MMP16: variants seen among roughly 807,000 people sequenced by gnomAD.
The protein encoded by MMP16 is matrix metallopeptidase 16, also known as matrix metalloproteinase-16.
Under a neutral mutation model 67.8 loss-of-function variants are expected in MMP16, and 12 were observed. The observed-to-expected ratio is 0.18, with a 90% confidence interval of 0.11 to 0.29. The LOEUF is 0.29. Among genes scored for constraint, MMP16 ranks in the 10% least tolerant of loss-of-function variants. The pLI is 1.00. For missense variants in MMP16, 475 were observed against 765.7 expected (o/e 0.62, Z 4.48); for synonymous variants, 249 against 255.9 (o/e 0.97, Z 0.26).
At chr8:88,326,910 G>T in intron 1 of MMP16, 165 bp downstream of exon 1, 2 of 749,088 alleles carry the variant, frequency 2.7e-6, no homozygotes, top group East Asian at 2.9e-5. Context: ...ACACGCATCC[G>T]TCACCTAAAA....
At chr8:88,155,223 G>C (rs974698066) in intron 4 of MMP16, among the ~76,000 whole-genome samples, 1 of 151,848 alleles carries the variant, frequency 6.6e-6, no homozygotes. Flanking sequence ...TATTTATAAG[G>C]AATACTTTAA....
In MMP16 at chr8:88,231,117, T is replaced by C. The variant is rs191780693; in HGVS notation, c.133-33811A>G. Reference sequence around the variant, plus strand: ...AATAATCATTATTTAGATGTTTTGCTTGAAATAGCTGTAATACCAACTTGA... The same window carrying C: ...AATAATCATTATTTAGATGTTTTGCCTGAAATAGCTGTAATACCAACTTGA... On this transcript the variant is annotated intron_variant, in intron 1 of 9. Coordinates refer to ENST00000286614, the MANE Select transcript of MMP16 (RefSeq NM_005941.5). 5.3e-5 allele frequency among the ~76,000 whole-genome samples: 8 copies of C among 152,300 alleles called. No homozygotes were observed. The East Asian group carries it at 1.5e-3, about 29-fold the overall frequency.
chr8:88,040,095 A>G lies in MMP16; in HGVS notation c.*1366T>C, dbSNP rs527247381. ...AACTGCATATACCAAGGCAAATTGA[A>G]TTTTCATGCAATGGATTTTAAAACA... is the stretch of plus-strand genomic sequence containing the variant. On this transcript the variant is annotated 3_prime_UTR_variant, in exon 10 of 10. Transcript: ENST00000286614. The G allele has an allele frequency of 6.5e-6, 1 of 152,724 alleles. No homozygotes were observed. The highest frequency in any genetic ancestry group is 2.4e-5 in the African/African-American group (1 of 41,560). The allele number at this position is 152,724 out of a possible 1,614,324, so 9.5% of individuals were successfully genotyped here.
At chr8:88,192,149 T>TA (rs138150627) in intron 2 of MMP16, among the ~76,000 whole-genome samples, 2,754 of 152,320 alleles carry the variant, frequency 0.018, 32 homozygotes, top group Non-Finnish European at 0.03. Flanking sequence ...TTAATTACTT[T>TA]AAAAAATCCT....
chr8:88,159,559 C>T (rs6988704), intron 4 of MMP16, among the ~76,000 whole-genome samples: 2 of 151,380 alleles, frequency 1.3e-5, no homozygotes, highest in Non-Finnish European at 3.0e-5. Context: ...TCTAAATATA[C>T]AATCATGTCA....
At position 88,116,705 on chromosome 8, in the gene MMP16, C is replaced by T; in HGVS notation, c.885G>A (p.Lys295=). The change falls in exon 6 of 10, where the codon AAG becomes AAA. Residue 295 remains lysine, a synonymous_variant. Transcript: ENST00000286614. ...GTAGAGGTCTTGTAGGTGGAGGAAT[C>T]TTGTCAGGTGGACCTTTTGAAAATA... ...GIQKIYGPPD[K]IPPPTRPLPT... The T allele has an allele frequency of 6.2e-7, 1 of 1,613,404 alleles. No homozygotes were observed. The highest frequency in any genetic ancestry group is 8.5e-7 in the Non-Finnish European group (1 of 1,179,664).
At chr8:88,322,154 T>A (rs1811469657) in intron 1 of MMP16, among the ~76,000 whole-genome samples, 1 of 152,168 alleles carries the variant, frequency 6.6e-6, no homozygotes, top group South Asian at 2.1e-4. Context: ...TGGGGTTTGA[T>A]CCAATTAAAA....
At chr8:88,312,038 G>T (rs1284147285) in intron 1 of MMP16, among the ~76,000 whole-genome samples, 1 of 152,194 alleles carries the variant, frequency 6.6e-6, no homozygotes, top group Non-Finnish European at 1.5e-5. Flanking sequence ...CATGTGGTAG[G>T]TGATACCAGC....
chr8:88,271,942 A>G (rs902417069), intron 1 of MMP16, among the ~76,000 whole-genome samples: 2 of 152,222 alleles, frequency 1.3e-5, no homozygotes, highest in Non-Finnish European at 1.5e-5. Context: ...GAATTTGAAC[A>G]TTGGCTCAGC....
chr8:88,052,815 C>T (rs2118217200), intron 8 of MMP16, among the ~76,000 whole-genome samples: 1 of 152,326 alleles, frequency 6.6e-6, no homozygotes, highest in Admixed American at 6.5e-5. Context: ...GAAACTTCTT[C>T]CTACTCAAGT....
intron 8 of MMP16, among the ~76,000 whole-genome samples, chr8:88,050,098 G>C (rs1808251045): frequency 6.6e-6 from 1 of 152,180 alleles, no homozygotes; most frequent in Non-Finnish European, 1.5e-5. Context: ...AATGCGGGTG[G>C]ATTACCTGAG....
intron 1 of MMP16, among the ~76,000 whole-genome samples, chr8:88,275,524 C>T (rs1304146486): frequency 6.6e-6 from 1 of 151,730 alleles, no homozygotes; most frequent in Admixed American, 6.6e-5. Context: ...AGAATTGGAT[C>T]TAATAAACTA....
chr8:88,277,498 G>A (rs28904569), intron 1 of MMP16, among the ~76,000 whole-genome samples: 1,591 of 152,222 alleles, frequency 0.01, 32 homozygotes, highest in African/African-American at 0.036. Flanking sequence ...GAAACAAAAC[G>A]TGTATCATCC....
intron 2 of MMP16, among the ~76,000 whole-genome samples, chr8:88,188,449 G>GA (rs1303568259): frequency 2.6e-5 from 4 of 152,142 alleles, no homozygotes; most frequent in African/African-American, 9.6e-5. Flanking sequence ...AGCAATCTGT[G>GA]AAAAAAACCT....
At chr8:88,103,639 T>C (rs1809183312) in intron 6 of MMP16, among the ~76,000 whole-genome samples, 1 of 151,842 alleles carries the variant, frequency 6.6e-6, no homozygotes, top group Non-Finnish European at 1.5e-5. Context: ...GGCTCTGTGC[T>C]AACTGCCTTT....
chr8:88,219,770 T>C (rs898395216), intron 1 of MMP16, among the ~76,000 whole-genome samples: 3 of 152,192 alleles, frequency 2.0e-5, no homozygotes, highest in African/African-American at 7.2e-5. Context: ...TGCAGAGCTT[T>C]GCATTCCAAA....
chr8:88,076,243 C>T lies in MMP16; in HGVS notation c.1084-1500G>A, dbSNP rs186444170. ...CAATATACTAGTCACTGAGTTAGTACAAACGAATACCTAATTTATAGCATG... is the reference window on the plus strand; with the variant it reads ...CAATATACTAGTCACTGAGTTAGTATAAACGAATACCTAATTTATAGCATG... On this transcript the variant is annotated intron_variant, in intron 6 of 9. Transcript: ENST00000286614. 2.0e-3 allele frequency among the ~76,000 whole-genome samples: 308 copies of T among 152,190 alleles called. 5 individuals are homozygous for T. The highest frequency in any genetic ancestry group is 7.2e-3 in the African/African-American group (298 of 41,546).
At chr8:88,146,968 C>A (rs1458540528) in intron 4 of MMP16, among the ~76,000 whole-genome samples, 3 of 152,076 alleles carry the variant, frequency 2.0e-5, no homozygotes, top group East Asian at 3.9e-4. Flanking sequence ...TCTTCACTGT[C>A]ACTTGCTATA....
chr8:88,168,815 T>C (rs945140854), intron 3 of MMP16, among the ~76,000 whole-genome samples: 10 of 152,124 alleles, frequency 6.6e-5, no homozygotes, highest in African/African-American at 2.4e-4. Flanking sequence ...TAAATAAGTT[T>C]CAGATCCCTT....
Sources: gnomAD v4.1 joint callset for allele counts (sites outside exome capture counted in the v4.1 genomes callset) on GRCh38, gnomAD v4.1.1 for gene constraint, MANE v1.5 for transcripts, NCBI Gene and HGNC (gene_info 2026-07-23, HGNC 2026-07-21) for gene names.